FAAH2: variants seen among roughly 807,000 people sequenced by gnomAD.
FAAH2 encodes fatty-acid amide hydrolase 2.
Under a neutral mutation model 36.9 loss-of-function variants are expected in FAAH2, and 60 were observed. The ratio of observed to expected loss-of-function variants is 1.63; its 90% CI spans 1.32 to 2.02. The LOEUF (loss-of-function observed/expected upper bound fraction) is 2.02. FAAH2 is among the 30% of genes most tolerant of loss of function. The probability of loss-of-function intolerance (pLI) is 0.00; values close to 1 mark genes in which losing one functional copy is unlikely to be tolerated. For missense variants in FAAH2, 689 were observed against 397.5 expected (o/e 1.73, Z -6.23); for synonymous variants, 214 against 143.8 (o/e 1.49, Z -3.49).
chrX:57,381,511 T>C, intron 7 of FAAH2: 2 of 663,031 alleles, frequency 3.0e-6, no homozygotes, highest in Non-Finnish European at 3.6e-6. Context: ...ATTTTAAAAG[T>C]AATTTTTAAA....
At chrX:57,308,330 G>T (rs997568442) in intron 2 of FAAH2, among the ~76,000 whole-genome samples, 3 of 111,336 alleles carry the variant, frequency 2.7e-5, no homozygotes, top group African/African-American at 9.8e-5. Flanking sequence ...CATTCTGACT[G>T]GTGTGAGAGG....
intron 4 of FAAH2, among the ~76,000 whole-genome samples, chrX:57,333,570 C>A (rs1317505470): frequency 9.9e-6 from 1 of 101,504 alleles, no homozygotes. Flanking sequence ...CAGATGGGAA[C>A]TTCAAGAATC....
At chrX:57,434,419 C>A (rs774795844) in intron 8 of FAAH2, among the ~76,000 whole-genome samples, 55 of 109,677 alleles carry the variant, frequency 5.0e-4, no homozygotes, top group African/African-American at 1.8e-3. Context: ...ATTAGAATAT[C>A]AACTTAGGCT....
At chrX:57,460,739 T>C (rs948780113) in intron 10 of FAAH2, among the ~76,000 whole-genome samples, 1 of 111,511 alleles carries the variant, frequency 9.0e-6, no homozygotes, top group Non-Finnish European at 1.9e-5. Context: ...AGAAACAGCA[T>C]CAACTAACGT....
At chrX:57,335,631 T>C (rs181583502) in intron 4 of FAAH2, among the ~76,000 whole-genome samples, 20 of 112,161 alleles carry the variant, frequency 1.8e-4, no homozygotes, top group African/African-American at 6.5e-4. Flanking sequence ...AGGAGACAGA[T>C]GCCTTCCTCT....
At chrX:57,395,662 A>G (rs2055277084) in intron 7 of FAAH2, among the ~76,000 whole-genome samples, 1 of 111,375 alleles carries the variant, frequency 9.0e-6, no homozygotes, top group African/African-American at 3.3e-5. Context: ...TTATGTGGTT[A>G]ATTACATTAT....
chrX:57,279,468 G>A, the FAAH2 span, among the ~76,000 whole-genome samples: 1 of 111,733 alleles, frequency 8.9e-6, no homozygotes, highest in African/African-American at 3.3e-5. Context: ...GGGGGACTAG[G>A]TGAGGGATAA....
intron 8 of FAAH2, among the ~76,000 whole-genome samples, chrX:57,437,244 C>T (rs2056428080): frequency 9.1e-6 from 1 of 110,457 alleles, no homozygotes; most frequent in South Asian, 3.8e-4. Flanking sequence ...TAATAAAGGC[C>T]ACATACAACA....
At chrX:57,131,468 A>G in the FAAH2 span, among the ~76,000 whole-genome samples, 41 of 112,149 alleles carry the variant, frequency 3.7e-4, no homozygotes, top group African/African-American at 1.1e-3. Flanking sequence ...AGAGATGTCC[A>G]TAGTTATCCA....
chrX:57,246,039 G>T, the FAAH2 span, among the ~76,000 whole-genome samples: 16 of 111,197 alleles, frequency 1.4e-4, no homozygotes, highest in Non-Finnish European at 2.6e-4. Context: ...AATGCTATAG[G>T]GGATAAACTA....
At chrX:57,422,558 C>G (rs183074558) in intron 7 of FAAH2, among the ~76,000 whole-genome samples, 3 of 111,687 alleles carry the variant, frequency 2.7e-5, no homozygotes, top group African/African-American at 9.8e-5. Flanking sequence ...TCACTGTACA[C>G]GCTGTGAAAT....
At chrX:57,390,844 G>A (rs1369006077) in intron 7 of FAAH2, among the ~76,000 whole-genome samples, 3 of 111,222 alleles carry the variant, frequency 2.7e-5, no homozygotes, top group Non-Finnish European at 5.7e-5. Context: ...TAGATAGTCA[G>A]GAGTGGAAAT....
chrX:57,425,124 A>G (rs1454200772), intron 7 of FAAH2, among the ~76,000 whole-genome samples: 1 of 111,824 alleles, frequency 8.9e-6, no homozygotes, highest in Non-Finnish European at 1.9e-5. Flanking sequence ...CAGGTAGAAT[A>G]AAGAATCTCA....
intron 7 of FAAH2, among the ~76,000 whole-genome samples, chrX:57,430,900 CG>C (rs2056279245): frequency 1.8e-5 from 2 of 111,800 alleles, no homozygotes; most frequent in African/African-American, 6.5e-5. Context: ...CTCCCAAGGT[CG>C]GGGAGAAGAT....
the FAAH2 span, among the ~76,000 whole-genome samples, chrX:57,223,526 C>T: frequency 3.6e-5 from 4 of 111,330 alleles, no homozygotes; most frequent in East Asian, 1.1e-3. Flanking sequence ...ACCTTTCCAG[C>T]CATGTTTGAG....
the FAAH2 span, among the ~76,000 whole-genome samples, chrX:57,223,222 G>T: frequency 9.0e-6 from 1 of 111,437 alleles, no homozygotes; most frequent in African/African-American, 3.3e-5. Flanking sequence ...AACCCCGGAT[G>T]ATCCTATATC....
chrX:57,431,756 T>C (rs989366113), intron 7 of FAAH2, among the ~76,000 whole-genome samples, 162 bp from the exon 8 acceptor site: 3 of 65,118 alleles, frequency 4.6e-5, no homozygotes, highest in Non-Finnish European at 6.2e-5. Context: ...TGTTTTGTTT[T>C]GTTTTTGTTT....
At chrX:57,350,936 AC>A (rs1467324456) in intron 5 of FAAH2, among the ~76,000 whole-genome samples, 1 of 111,486 alleles carries the variant, frequency 9.0e-6, no homozygotes, top group East Asian at 2.8e-4. Flanking sequence ...GATTGTCAAG[AC>A]AAAAATTCAA....
chrX:57,404,814 G>T (rs942275509), intron 7 of FAAH2, among the ~76,000 whole-genome samples: 17 of 112,271 alleles, frequency 1.5e-4, no homozygotes, highest in African/African-American at 5.2e-4. Flanking sequence ...GTATGGGTCA[G>T]AAGGAAAGGT....
Sources: allele counts gnomAD v4.1 joint callset (sites outside exome capture counted in the v4.1 genomes callset), GRCh38; gene constraint gnomAD v4.1.1; transcripts MANE v1.5; gene names NCBI Gene and HGNC (gene_info 2026-07-23, HGNC 2026-07-21).